The following GON4L variants were observed in gnomAD, a reference collection of about 807,000 sequenced individuals.
GON4L encodes GON-4-like protein.
A neutral mutation model predicts 211.8 loss-of-function variants in GON4L; 87 were observed. The ratio of observed to expected loss-of-function variants is 0.41; its 90% confidence interval spans 0.35 to 0.49. GON4L has a LOEUF of 0.49. Ranked by LOEUF, GON4L falls within the 20% of genes least tolerant of loss-of-function variation. The pLI is 0.15. For missense variants in GON4L, 2,155 were observed against 2,659.5 expected (o/e 0.81, Z 4.17); for synonymous variants, 875 against 962.6 (o/e 0.91, Z 1.68).
chr1:155,766,875 G>A (rs1458328870), intron 20 of GON4L, among the ~76,000 whole-genome samples, 166 bp from the exon 21 acceptor site: 5 of 152,126 alleles, frequency 3.3e-5, no homozygotes, highest in East Asian at 1.9e-4. Context: ...GTGAAACCCC[G>A]TCTCTACTAA....
chr1:155,800,061 G>A (rs1010510592), intron 11 of GON4L, among the ~76,000 whole-genome samples: 6 of 151,814 alleles, frequency 4.0e-5, no homozygotes, highest in Admixed American at 6.6e-5. Context: ...TTAGCCAGGC[G>A]TGGTGGCACA....
downstream of GON4L, chr1:155,748,229 T>C (rs192474816): frequency 1.7e-4 from 222 of 1,345,204 alleles, 1 homozygote; most frequent in African/African-American, 2.9e-3. Flanking sequence ...AGGCCCGAGC[T>C]TGAACTCAGC....
intron 2 of GON4L, among the ~76,000 whole-genome samples, chr1:155,835,564 C>T (rs1208797493): frequency 6.6e-6 from 1 of 152,028 alleles, no homozygotes; most frequent in Non-Finnish European, 1.5e-5. Flanking sequence ...TCACTGTTGG[C>T]CACCCCCTAG....
chr1:155,825,159 T>G (rs1031981979), intron 3 of GON4L, among the ~76,000 whole-genome samples: 3 of 150,954 alleles, frequency 2.0e-5, no homozygotes, highest in African/African-American at 7.3e-5. Flanking sequence ...GCAGTACCTA[T>G]CTCTAAAAAA....
At chr1:155,776,072 G>A (rs893930597) in intron 16 of GON4L, among the ~76,000 whole-genome samples, 1 of 152,064 alleles carries the variant, frequency 6.6e-6, no homozygotes, top group African/African-American at 2.4e-5. Flanking sequence ...CATAGCCACC[G>A]TGCCCAGTCT....
At chr1:155,809,607 TTATATACTTA>T (rs1308013162) in intron 10 of GON4L, among the ~76,000 whole-genome samples, 1 of 118,918 alleles carries the variant, frequency 8.4e-6, no homozygotes, top group African/African-American at 3.2e-5. Flanking sequence ...TACTTATAAA[TTATATACTTA>T]TATATACTTA....
chr1:155,790,160 C>T (rs762817737), intron 12 of GON4L, among the ~76,000 whole-genome samples: 3 of 151,782 alleles, frequency 2.0e-5, no homozygotes, highest in South Asian at 2.1e-4. Flanking sequence ...AGTGCAGTGG[C>T]GCGATCTCGG....
intron 2 of GON4L, chr1:155,845,764 G>A: frequency 3.8e-6 from 1 of 264,952 alleles, no homozygotes; most frequent in Non-Finnish European, 7.6e-6. Context: ...AGGACTTAGG[G>A]CTGCCTACAG....
In GON4L at chr1:155,852,536, C is replaced by T. The variant is rs769086434; in HGVS notation, c.505+740G>A. 1.2e-4 allele frequency among the ~76,000 whole-genome samples: 18 copies of T among 150,172 alleles called. No individual in the cohort carries two copies. In the East Asian group the frequency reaches 1.4e-3, roughly 12 times the overall value. On this transcript the variant is annotated intron_variant, in intron 2 of 31. Coordinates refer to ENST00000368331, the MANE Select transcript of GON4L (RefSeq NM_001282860.2). ...GCGGGCGGATCACGAGGTCAGGAGA[C>T]TGAGACCATCCTGGCTAACACAGTG... is the stretch of plus-strand genomic sequence containing the variant.
intron 21 of GON4L, chr1:155,764,607 T>G: frequency 1.7e-5 from 7 of 414,156 alleles, no homozygotes; most frequent in Admixed American, 3.6e-5. Context: ...GCCTGGCTAA[T>G]TTTTGTTATT....
chr1:155,795,874 G>A (rs1666022504), intron 11 of GON4L, among the ~76,000 whole-genome samples: 1 of 152,144 alleles, frequency 6.6e-6, no homozygotes, highest in Non-Finnish European at 1.5e-5. Context: ...CTGGGCTCAA[G>A]CGATCTGAAT....
chr1:155,821,489 T>C lies in GON4L; in HGVS notation c.948A>G (p.Glu316=), dbSNP rs941179618. The C allele has an allele frequency of 1.9e-6, 3 of 1,590,890 alleles. No homozygotes were observed. The highest frequency in any genetic ancestry group is 1.7e-6 in the Non-Finnish European group (2 of 1,158,890). Reference sequence around the variant, plus strand: ...AACTACTCACAAACATTGGCATATCTTCCGTCTCACTGATGGCTGCTTTCA... The same window carrying C: ...AACTACTCACAAACATTGGCATATCCTCCGTCTCACTGATGGCTGCTTTCA... ...AMMKAAISET[E]DMPMFEPKMT... The change falls in exon 5 of 32, where the codon GAA becomes GAG. Residue 316 remains glutamate (E), a synonymous_variant. Coordinates refer to ENST00000368331, the MANE Select transcript of GON4L (RefSeq NM_001282860.2).
At chr1:155,848,399 G>C (rs931467267) in intron 2 of GON4L, among the ~76,000 whole-genome samples, 5 of 152,094 alleles carry the variant, frequency 3.3e-5, no homozygotes, top group African/African-American at 1.2e-4. Flanking sequence ...TGTGTCTATG[G>C]TGTACCCATT....
chr1:155,795,251 G>C, intron 11 of GON4L, 100 bp from the exon 12 acceptor site: 2 of 767,360 alleles, frequency 2.6e-6, no homozygotes, highest in South Asian at 1.4e-5. Flanking sequence ...TTTTGAGACA[G>C]GGTCTCACTC....
chr1:155,762,204 C>T lies in GON4L; in HGVS notation c.4897G>A (p.Ala1633Thr), dbSNP rs759068005. ...REQKDLAFAQAYLTRVREALQ... is the reference protein window; with the variant it reads ...REQKDLAFAQTYLTRVREALQ... ...CATTTGCCTACCCTGGTCAGATAAGCTTGGGCAAAGGCCAAGTCCTTCTGC... is the reference window on the plus strand; with the variant it reads ...CATTTGCCTACCCTGGTCAGATAAGTTTGGGCAAAGGCCAAGTCCTTCTGC... The change falls in exon 23 of 32, where the codon GCT becomes ACT. Residue 1633 changes from alanine to threonine, a missense_variant. Ala to Thr is a moderately conservative substitution (Grantham distance 58). This residue lies in a region of GON4L where 455 missense variants were observed against 504.6 expected (regional missense o/e 0.90). Transcript: ENST00000368331. The T allele has an allele frequency of 6.2e-7, 1 of 1,607,346 alleles. No individual in the cohort carries two copies. The highest frequency in any genetic ancestry group is 8.5e-7 in the Non-Finnish European group (1 of 1,176,984).
intron 2 of GON4L, among the ~76,000 whole-genome samples, chr1:155,852,651 G>A (rs969651647): frequency 6.6e-6 from 1 of 152,168 alleles, no homozygotes; most frequent in African/African-American, 2.4e-5. Context: ...GCTGAGGCAG[G>A]AGAATGGCGT....
intron 16 of GON4L, 143 bp from the exon 17 acceptor site, chr1:155,775,316 T>G: frequency 1.8e-6 from 2 of 1,086,632 alleles, no homozygotes; most frequent in Non-Finnish European, 2.8e-6. Context: ...CACAATAAAC[T>G]ACTCTGTTAA....
intron 11 of GON4L, among the ~76,000 whole-genome samples, chr1:155,798,170 G>A (rs1178094815): frequency 6.7e-6 from 1 of 149,594 alleles, no homozygotes; most frequent in Non-Finnish European, 1.5e-5. Context: ...CACAATCACT[G>A]AAAAATCTGT....
At chr1:155,806,464 T>C (rs530224970) in intron 10 of GON4L, among the ~76,000 whole-genome samples, 8 of 152,094 alleles carry the variant, frequency 5.3e-5, no homozygotes, top group South Asian at 4.2e-4. Context: ...TTTCATTTTT[T>C]GTAGAGATGG....
Sources: allele counts gnomAD v4.1 joint callset (sites outside exome capture counted in the v4.1 genomes callset), GRCh38; gene constraint gnomAD v4.1.1; regional missense constraint gnomAD v4.1.1; transcripts MANE v1.5; gene names NCBI Gene and HGNC (gene_info 2026-07-23, HGNC 2026-07-21).